The following CCDC146 variants were observed in gnomAD, a reference collection of about 807,000 sequenced individuals.
CCDC146 encodes coiled-coil domain-containing protein 146.
In CCDC146, 92 loss-of-function variants were observed where a neutral mutation model predicts 119.3. That is an observed-to-expected ratio of 0.77 (90% CI 0.65 to 0.92). CCDC146 has a LOEUF of 0.92. CCDC146 is among the 40% of genes least tolerant of loss of function. CCDC146 has a pLI of 0.00. For missense variants in CCDC146, 1,000 were observed against 1,103.0 expected (o/e 0.91, Z 1.32); for synonymous variants, 372 against 371.8 (o/e 1.00, Z -0.01).
At chr7:77,198,838 A>G in intron 2 of CCDC146, 1 of 320,808 alleles carries the variant, frequency 3.1e-6, no homozygotes, top group Non-Finnish European at 5.7e-6. Context: ...ACATCGCCTT[A>G]TCTTTATTGT....
chr7:77,213,213 C>A (rs1792223043), intron 2 of CCDC146, among the ~76,000 whole-genome samples: 1 of 151,842 alleles, frequency 6.6e-6, no homozygotes, highest in African/African-American at 2.4e-5. Context: ...CCTCAGCCTC[C>A]CGAGTAGCTG....
intron 2 of CCDC146, among the ~76,000 whole-genome samples, chr7:77,218,934 C>A (rs1348473827): frequency 1.3e-5 from 2 of 152,042 alleles, no homozygotes; most frequent in Non-Finnish European, 2.9e-5. Context: ...ACACTAAAAG[C>A]ACCTGCAGAG....
At chr7:77,282,062 G>C (rs565310079) in intron 14 of CCDC146, among the ~76,000 whole-genome samples, 1 of 152,138 alleles carries the variant, frequency 6.6e-6, no homozygotes, top group African/African-American at 2.4e-5. Context: ...ATTTTTGCCT[G>C]TTTATGGGGA....
chr7:77,267,954 C>A (rs3114323), intron 9 of CCDC146, among the ~76,000 whole-genome samples: 134,190 of 152,206 alleles, frequency 0.88, 59,416 homozygotes, highest in East Asian at 0.98. Flanking sequence ...CAGTTGAATG[C>A]GCTGAGTTTA....
intron 2 of CCDC146, among the ~76,000 whole-genome samples, chr7:77,183,151 C>A (rs867103159): frequency 1.3e-5 from 2 of 152,252 alleles, no homozygotes; most frequent in East Asian, 3.9e-4. Flanking sequence ...TCTCCCACAC[C>A]TCTTTCTTCC....
rs71296575 is a variant in CCDC146 at position 77,163,850 on chromosome 7, TC to T, written c.-11-3807del. 7.2e-3 allele frequency among the ~76,000 whole-genome samples: 852 copies of T among 119,114 alleles called. 9 individuals carry two copies. The highest frequency in any genetic ancestry group is 0.025 in the African/African-American group (722 of 28,356). The allele number at this position is 119,114 out of a possible 152,430, so 78.1% of individuals were successfully genotyped here. ...TTGAAACAGTTTTTCTTTCTTTCTT[TC>T]TTTTTTTTCTTTTTTTTTTTTTTTT... is the stretch of plus-strand genomic sequence containing the variant. On this transcript the variant is annotated intron_variant, in intron 1 of 18. Coordinates refer to ENST00000285871, the MANE Select transcript of CCDC146 (RefSeq NM_020879.3).
chr7:77,166,031 G>T (rs1157929932), intron 1 of CCDC146, among the ~76,000 whole-genome samples: 1 of 152,122 alleles, frequency 6.6e-6, no homozygotes, highest in African/African-American at 2.4e-5. Flanking sequence ...GTATGAACAA[G>T]AAAGACCATT....
intron 2 of CCDC146, among the ~76,000 whole-genome samples, chr7:77,233,961 C>G (rs575319725): frequency 6.6e-6 from 1 of 151,570 alleles, no homozygotes; most frequent in African/African-American, 2.4e-5. Context: ...AAGGCAGAGC[C>G]TATGTTATAT....
chr7:77,275,313 A>G (rs1053717889), intron 11 of CCDC146, among the ~76,000 whole-genome samples: 3 of 152,180 alleles, frequency 2.0e-5, no homozygotes, highest in Non-Finnish European at 4.4e-5. Context: ...CCAGTTCCCT[A>G]TGTATACCAA....
At chr7:77,154,736 C>G (rs571102281) in intron 1 of CCDC146, among the ~76,000 whole-genome samples, 41 of 152,130 alleles carry the variant, frequency 2.7e-4, no homozygotes, top group Non-Finnish European at 5.6e-4. Flanking sequence ...CAAGTCTTTG[C>G]TATTGTGAAT....
Position 77,202,454 on chromosome 7 carries a change from A to T in CCDC146, c.157-34493A>T, listed in dbSNP as rs377163809. Among the ~76,000 whole-genome samples the T allele has an allele frequency of 1.4e-4, 22 of 152,346 alleles. No homozygotes were observed. In the East Asian group the frequency reaches 4.0e-3, roughly 28 times the overall value. On this transcript the variant is annotated intron_variant, in intron 2 of 18. Transcript: ENST00000285871. Reference sequence around the variant, plus strand: ...TTTTTGGCTGGTCACACCCCAGTTAACCAAGGGCCAATGGCACAGTTTCCC... The same window carrying T: ...TTTTTGGCTGGTCACACCCCAGTTATCCAAGGGCCAATGGCACAGTTTCCC...
rs531705182 is a variant in CCDC146, at chr7:77,281,998, C to T, written c.1920-559C>T. 3.9e-5 allele frequency among the ~76,000 whole-genome samples: 6 copies of T among 152,278 alleles called. No homozygotes were observed. The South Asian group carries it at 1.2e-3, about 32-fold the overall frequency. The stretch of plus-strand genomic sequence containing the variant: ...AGAACATTCTTACTTTGTTTCCTCC[C>T]CATATTCTCCATTCAAGGAGGGGTC... On this transcript the variant is annotated intron_variant, in intron 14 of 18. Coordinates refer to ENST00000285871, the MANE Select transcript of CCDC146 (RefSeq NM_020879.3).
intron 17 of CCDC146, among the ~76,000 whole-genome samples, chr7:77,290,786 T>G (rs993615803): frequency 2.0e-5 from 3 of 152,212 alleles, no homozygotes; most frequent in Admixed American, 6.5e-5. Flanking sequence ...GCAAAATTTG[T>G]GTATAATAAT....
intron 2 of CCDC146, among the ~76,000 whole-genome samples, chr7:77,209,734 G>T (rs1389347005): frequency 6.6e-6 from 1 of 152,210 alleles, no homozygotes; most frequent in Non-Finnish European, 1.5e-5. Context: ...CTAGGCAGAG[G>T]CTCCAAAACC....
chr7:77,286,500 C>T (rs1401648244), intron 15 of CCDC146, among the ~76,000 whole-genome samples: 3 of 152,194 alleles, frequency 2.0e-5, no homozygotes, highest in Non-Finnish European at 4.4e-5. Context: ...ATCCCATGAA[C>T]ATGACCCAAA....
chr7:77,280,708 T>C, intron 14 of CCDC146, 55 bp downstream of exon 14: 3 of 1,180,480 alleles, frequency 2.5e-6, no homozygotes, highest in Non-Finnish European at 3.7e-6. Context: ...GAATGTCACC[T>C]CTTTTTCTAT....
At chr7:77,238,684 T>C (rs1465782279) in intron 3 of CCDC146, among the ~76,000 whole-genome samples, 2 of 152,218 alleles carry the variant, frequency 1.3e-5, no homozygotes, top group Non-Finnish European at 2.9e-5. Context: ...CCCAAAGTGC[T>C]GGGATTACAG....
At position 77,196,483 on chromosome 7, in the gene CCDC146, C is replaced by T. The variant is rs1791872237; in HGVS notation, c.156+28659C>T. 1 of 1,613,996 alleles carries T rather than the reference C, an allele frequency of 6.2e-7. No individual in the cohort carries two copies. The highest frequency in any genetic ancestry group is 8.5e-7 in the Non-Finnish European group (1 of 1,179,890). ...ACCACCAGCCTGAACTGTAGTACAG[C>T]CCACAGTTCCCAGAAGGATATCGAT... On this transcript the variant is annotated intron_variant, in intron 2 of 18. Transcript: ENST00000285871. This position sits in a 1 kb window ranked among gnomAD's most constrained non-coding sequence, Gnocchi z 4.2.
intron 2 of CCDC146, among the ~76,000 whole-genome samples, chr7:77,174,138 TC>T (rs1791467226): frequency 6.6e-6 from 1 of 152,178 alleles, no homozygotes; most frequent in East Asian, 1.9e-4. Context: ...GTTTGTCTCT[TC>T]CTGAACATCA....
Sources: gnomAD v4.1 joint callset for allele counts (sites outside exome capture counted in the v4.1 genomes callset) on GRCh38, gnomAD v4.1.1 for gene constraint, Gnocchi (gnomAD v3.1) non-coding constraint, MANE v1.5 for transcripts, NCBI Gene and HGNC (gene_info 2026-07-23, HGNC 2026-07-21) for gene names.